The following FGF14 variants were observed in gnomAD, a reference collection of about 807,000 sequenced individuals.
FGF14 encodes the protein fibroblast growth factor homologous factor 4.
Under a neutral mutation model 25.5 loss-of-function variants are expected in FGF14, and 5 were observed. The observed-to-expected ratio is 0.20, with a 90% CI of 0.10 to 0.41. The LOEUF (loss-of-function observed/expected upper bound fraction) is 0.41, where lower values mean the gene tolerates loss of function less well. FGF14 is among the 10% of genes least tolerant of loss of function. The probability of loss-of-function intolerance (pLI) is 1.00; values close to 1 mark genes in which losing one functional copy is unlikely to be tolerated. For missense variants in FGF14, 222 were observed against 320.1 expected (o/e 0.69, Z 2.34); for synonymous variants, 138 against 118.3 (o/e 1.17, Z -1.08).
At chr13:101,936,720 G>T (rs2035129988) in intron 1 of FGF14, among the ~76,000 whole-genome samples, 1 of 152,084 alleles carries the variant, frequency 6.6e-6, no homozygotes, top group Admixed American at 6.5e-5. Context: ...AATGCTATTT[G>T]TTCACTATCT....
intron 1 of FGF14, among the ~76,000 whole-genome samples, chr13:102,194,166 C>T (rs1681986547): frequency 6.6e-6 from 1 of 152,044 alleles, no homozygotes; most frequent in Admixed American, 6.6e-5. Context: ...GCTAGGGAGA[C>T]TTTTTCTATG....
At chr13:102,145,110 A>G (rs2046799979) in intron 1 of FGF14, among the ~76,000 whole-genome samples, 1 of 152,156 alleles carries the variant, frequency 6.6e-6, no homozygotes, top group Admixed American at 6.5e-5. Flanking sequence ...TTCAATTTTA[A>G]CAGAACCTCG....
chr13:101,806,474 A>T (rs11069465), intron 3 of FGF14, among the ~76,000 whole-genome samples: 8,088 of 150,666 alleles, frequency 0.054, 290 homozygotes, highest in East Asian at 0.16. Flanking sequence ...CATTGAGAAA[A>T]TTTTTTTTTT....
Position 101,722,067 on chromosome 13 carries a change from T to C in FGF14, c.*764A>G, listed in dbSNP as rs2035032430. On this transcript the variant is annotated 3_prime_UTR_variant, in exon 5 of 5. Transcript: ENST00000376143. ...AAACTAGAGGGGGATGTCAAACACA[T>C]ATCATAGAGAGCTTCCCTGGATTGT... 1 of 152,418 alleles carries C rather than the reference T, an allele frequency of 6.6e-6. No individual in the cohort carries two copies. Among genetic ancestry groups the C allele is most frequent in the Non-Finnish European group, 1.5e-5 (1 of 68,362 alleles). 9.4% of individuals were successfully genotyped at this position (152,418 alleles called of 1,614,324 possible).
chr13:102,022,738 C>T (rs2040723368), intron 1 of FGF14, among the ~76,000 whole-genome samples: 1 of 152,002 alleles, frequency 6.6e-6, no homozygotes, highest in Non-Finnish European at 1.5e-5. Flanking sequence ...GAAATATATG[C>T]CAGTTCCATT....
chr13:102,250,979 C>T (rs553257012), intron 1 of FGF14, among the ~76,000 whole-genome samples: 26 of 152,132 alleles, frequency 1.7e-4, no homozygotes, highest in Non-Finnish European at 3.1e-4. Flanking sequence ...CTTACATACA[C>T]GAATTTTCTG....
chr13:102,110,693 C>T (rs940542767), intron 1 of FGF14, among the ~76,000 whole-genome samples: 11 of 152,218 alleles, frequency 7.2e-5, no homozygotes, highest in South Asian at 2.1e-4. Flanking sequence ...ACGCCTGTTA[C>T]GTGATCCTCA....
chr13:102,374,384 A>AT (rs1566970761), intron 1 of FGF14, among the ~76,000 whole-genome samples: 1 of 151,596 alleles, frequency 6.6e-6, no homozygotes, highest in Non-Finnish European at 1.5e-5. Context: ...CCAGAGTCAG[A>AT]TTTTTTTGGA....
chr13:102,020,025 A>G (rs1330216648), intron 1 of FGF14, among the ~76,000 whole-genome samples: 1 of 152,190 alleles, frequency 6.6e-6, no homozygotes, highest in East Asian at 1.9e-4. Context: ...CATATTTAGG[A>G]AAAACATACA....
At chr13:101,896,409 C>G (rs2030681733) in intron 1 of FGF14, among the ~76,000 whole-genome samples, 1 of 152,142 alleles carries the variant, frequency 6.6e-6, no homozygotes, top group South Asian at 2.1e-4. Flanking sequence ...CCTACCATCA[C>G]TCCCTGGCTA....
intron 3 of FGF14, among the ~76,000 whole-genome samples, chr13:101,814,531 C>A (rs2041737081): frequency 6.6e-6 from 1 of 152,168 alleles, no homozygotes; most frequent in Non-Finnish European, 1.5e-5. Flanking sequence ...TTTTAGAACA[C>A]TTTCATCATT....
chr13:101,893,574 C>A (rs976175325), intron 1 of FGF14, among the ~76,000 whole-genome samples: 2 of 151,738 alleles, frequency 1.3e-5, no homozygotes, highest in Non-Finnish European at 1.5e-5. Context: ...ATAACAGGGT[C>A]CTTAAAAGGA....
intron 1 of FGF14, among the ~76,000 whole-genome samples, chr13:101,910,186 A>G (rs1054171506): frequency 3.9e-5 from 6 of 152,146 alleles, no homozygotes; most frequent in Admixed American, 3.3e-4. Context: ...CGGCACATGT[A>G]TACATATGTA....
chr13:102,123,604 T>TGCCTAA (rs2045827597), intron 1 of FGF14, among the ~76,000 whole-genome samples: 1 of 151,654 alleles, frequency 6.6e-6, no homozygotes, highest in South Asian at 2.1e-4. Context: ...ACTATGAAGC[T>TGCCTAA]GTCCTTAGAT....
chr13:102,279,593 C>A (rs1338419136), intron 1 of FGF14, among the ~76,000 whole-genome samples: 1 of 152,018 alleles, frequency 6.6e-6, no homozygotes, highest in East Asian at 1.9e-4. Flanking sequence ...TAAACGTATG[C>A]CAGGCACCGT....
chr13:102,295,708 T>A (rs999153458), intron 1 of FGF14, among the ~76,000 whole-genome samples: 8 of 152,274 alleles, frequency 5.3e-5, no homozygotes, highest in African/African-American at 1.9e-4. Context: ...CAGCACCACA[T>A]TGCTTTTACC....
intron 3 of FGF14, among the ~76,000 whole-genome samples, chr13:101,791,340 T>G (rs536570899): frequency 6.6e-6 from 1 of 152,326 alleles, no homozygotes; most frequent in East Asian, 1.9e-4. Flanking sequence ...CTTAATGAGC[T>G]GACAATTTTA....
chr13:102,087,513 G>A (rs767092414), intron 1 of FGF14, among the ~76,000 whole-genome samples: 68 of 137,148 alleles, frequency 5.0e-4, no homozygotes, highest in Non-Finnish European at 6.2e-4. Flanking sequence ...TCTGGTTCCC[G>A]TCATTCTCCT....
At chr13:102,076,010 G>A (rs2043346371) in intron 1 of FGF14, among the ~76,000 whole-genome samples, 1 of 152,102 alleles carries the variant, frequency 6.6e-6, no homozygotes, top group Non-Finnish European at 1.5e-5. Flanking sequence ...TTACAGAAGA[G>A]TCAAAAATTT....
Sources: allele counts gnomAD v4.1 joint callset (sites outside exome capture counted in the v4.1 genomes callset), GRCh38; gene constraint gnomAD v4.1.1; transcripts MANE v1.5; gene names NCBI Gene and HGNC (gene_info 2026-07-23, HGNC 2026-07-21).